CLVS1: variants seen among roughly 807,000 people sequenced by gnomAD.
CLVS1 encodes clavesin 1, also known as clavesin-1.
In CLVS1, 10 loss-of-function variants were observed where a neutral mutation model predicts 33.1. The ratio of observed to expected loss-of-function variants is 0.30; its 90% CI spans 0.19 to 0.51. CLVS1 has a LOEUF of 0.51. CLVS1 is among the 20% of genes least tolerant of loss of function. The probability of loss-of-function intolerance (pLI) is 0.97; values close to 1 mark genes in which losing one functional copy is unlikely to be tolerated. For missense variants in CLVS1, 343 were observed against 433.4 expected, an observed-to-expected ratio of 0.79 and a Z score of 1.85; for synonymous variants, 163 against 166.1, an observed-to-expected ratio of 0.98 and a Z score of 0.14.
chr8:61,425,646 A>G (rs759007194), intron 3 of CLVS1, among the ~76,000 whole-genome samples: 49 of 152,246 alleles, frequency 3.2e-4, no homozygotes, highest in Middle Eastern at 3.4e-3. Flanking sequence ...CTATATCCCA[A>G]TTGGGAAAAT....
chr8:61,004,144 G>A, the CLVS1 span, among the ~76,000 whole-genome samples: 3 of 152,346 alleles, frequency 2.0e-5, no homozygotes, highest in East Asian at 3.9e-4. Flanking sequence ...TGCCGACCTG[G>A]CAAGGTGCTT....
intron 1 of CLVS1, among the ~76,000 whole-genome samples, chr8:61,113,745 T>A (rs1286436910): frequency 6.6e-6 from 1 of 152,176 alleles, no homozygotes; most frequent in African/African-American, 2.4e-5. Context: ...CTACCCTGGG[T>A]CCTGGCTGGT....
chr8:60,972,816 TC>T, the CLVS1 span, among the ~76,000 whole-genome samples: 2 of 152,350 alleles, frequency 1.3e-5, no homozygotes, highest in South Asian at 4.1e-4. Flanking sequence ...CTCCAAAAAT[TC>T]AGGGAGGCAG....
At chr8:61,439,965 C>T (rs1017823291) in intron 3 of CLVS1, among the ~76,000 whole-genome samples, 7 of 152,262 alleles carry the variant, frequency 4.6e-5, no homozygotes, top group African/African-American at 1.2e-4. Flanking sequence ...TTTCATCTGC[C>T]GTCTGCAGGA....
chr8:61,469,764 A>T (rs1266447960), intron 5 of CLVS1, among the ~76,000 whole-genome samples: 1 of 152,192 alleles, frequency 6.6e-6, no homozygotes, highest in East Asian at 1.9e-4. Flanking sequence ...AGTCTATTTT[A>T]CTTCATGGCT....
At chr8:61,464,058 C>T (rs1034387715) in intron 5 of CLVS1, among the ~76,000 whole-genome samples, 3 of 148,956 alleles carry the variant, frequency 2.0e-5, no homozygotes, top group African/African-American at 7.5e-5. Context: ...TACTGCACTC[C>T]AGCCTGGGCA....
At chr8:60,986,532 A>G in the CLVS1 span, among the ~76,000 whole-genome samples, 1 of 152,250 alleles carries the variant, frequency 6.6e-6, no homozygotes, top group African/African-American at 2.4e-5. Flanking sequence ...AGAGCTTCAC[A>G]TAACTTAAGA....
intron 2 of CLVS1, among the ~76,000 whole-genome samples, chr8:61,323,731 T>G (rs1811279661): frequency 6.6e-6 from 1 of 152,122 alleles, no homozygotes; most frequent in African/African-American, 2.4e-5. Flanking sequence ...CATGGGGGTT[T>G]GTTGTACAGA....
chr8:61,010,812 C>T, the CLVS1 span, among the ~76,000 whole-genome samples: 1 of 152,230 alleles, frequency 6.6e-6, no homozygotes, highest in Non-Finnish European at 1.5e-5. Context: ...CTCTCAGGTT[C>T]CTGTCATTGT....
upstream of CLVS1, among the ~76,000 whole-genome samples, chr8:61,053,122 G>A (rs182126072): frequency 2.0e-5 from 3 of 152,130 alleles, no homozygotes; most frequent in East Asian, 3.9e-4. Context: ...GAGTGGGGTC[G>A]ACCAGGAGCT....
chr8:61,337,856 C>A (rs3852345), intron 2 of CLVS1, among the ~76,000 whole-genome samples: 75,678 of 151,970 alleles, frequency 0.5, 19,371 homozygotes, highest in East Asian at 0.82. Context: ...ATGCAGAGGA[C>A]TAGAAAACAT....
At chr8:61,198,835 T>G (rs531208781) in intron 2 of CLVS1, among the ~76,000 whole-genome samples, 1 of 152,370 alleles carries the variant, frequency 6.6e-6, no homozygotes, top group South Asian at 2.1e-4. Flanking sequence ...TTTCGATTCC[T>G]GAGTTACTTC....
chr8:61,339,724 GGAAGGAGGGAGAGAGAAAGAGA>G lies in CLVS1; in HGVS notation c.456-36869_456-36848del, dbSNP rs373898118. On this transcript the variant is annotated intron_variant, in intron 2 of 5. Transcript: ENST00000325897. ...GGGAGAGAGAGAAAGAGAGAAAGAG[GGAAGGAGGGAGAGAGAAAGAGA>G]GAAGGAGGGAGGGAGAAAGAGAGGG... Among the ~76,000 whole-genome samples, 747 of 151,012 alleles carry G rather than the reference GGAAGGAGGGAGAGAGAAAGAGA, an allele frequency of 4.9e-3. 5 individuals are homozygous for G. The highest frequency in any genetic ancestry group is 0.017 in the African/African-American group (712 of 41,108).
At chr8:61,328,186 C>T (rs772320836) in intron 2 of CLVS1, among the ~76,000 whole-genome samples, 2 of 152,094 alleles carry the variant, frequency 1.3e-5, no homozygotes, top group Non-Finnish European at 2.9e-5. Flanking sequence ...AGCAGGGATT[C>T]CAACTCAAAT....
intron 1 of CLVS1, among the ~76,000 whole-genome samples, chr8:61,095,652 ACTTG>A (rs1805339618): frequency 6.6e-6 from 1 of 152,182 alleles, no homozygotes; most frequent in African/African-American, 2.4e-5. Context: ...TTTCCAGAAG[ACTTG>A]CTCTCACTCT....
chr8:61,203,824 A>C (rs1435522107), intron 2 of CLVS1, among the ~76,000 whole-genome samples: 1 of 152,226 alleles, frequency 6.6e-6, no homozygotes, highest in Non-Finnish European at 1.5e-5. Context: ...TCATATGAGA[A>C]GTTTAATCCC....
chr8:61,295,156 C>A (rs1810149545), intron 1 of CLVS1, among the ~76,000 whole-genome samples: 2 of 152,206 alleles, frequency 1.3e-5, no homozygotes, highest in African/African-American at 4.8e-5. Flanking sequence ...ACTCTCCATG[C>A]ATTTGAAATG....
intron 5 of CLVS1, among the ~76,000 whole-genome samples, chr8:61,479,782 T>C (rs1466866660): frequency 6.6e-6 from 1 of 152,218 alleles, no homozygotes; most frequent in Non-Finnish European, 1.5e-5. Flanking sequence ...CCTTTCTGTT[T>C]GTTAGTTTTC....
rs1807759600 is a variant in CLVS1 at position 61,202,685 on chromosome 8, G to C, written c.-152+70825G>C. 3.9e-6 allele frequency: 6 copies of C among 1,540,300 alleles called. No individual in the cohort carries two copies. The Admixed American group carries it at 8.3e-5, about 21-fold the overall frequency. ...TGTGGTTCAGGGCCAGTGCATATTA[G>C]TGGACAGCACTTAGTAGCTGTGGAG... On this transcript the variant is annotated intron_variant, in intron 2 of 2. Coordinates refer to the CLVS1 transcript ENST00000522621.
Sources: allele counts gnomAD v4.1 joint callset (sites outside exome capture counted in the v4.1 genomes callset), GRCh38; gene constraint gnomAD v4.1.1; transcripts MANE v1.5; gene names NCBI Gene and HGNC (gene_info 2026-07-23, HGNC 2026-07-21).